The following STAU2 variants were observed in gnomAD, a reference collection of about 807,000 sequenced individuals.
The protein encoded by STAU2 is staufen double-stranded RNA binding protein 2.
Under a neutral mutation model 65.9 loss-of-function variants are expected in STAU2, and 20 were observed. That is an observed-to-expected ratio of 0.30 (90% confidence interval 0.21 to 0.44). The LOEUF (loss-of-function observed/expected upper bound fraction) is 0.44. STAU2 is among the 20% of genes least tolerant of loss of function. STAU2 has a pLI of 1.00. For synonymous variants in STAU2, 232 were observed against 233.9 expected (o/e 0.99, Z 0.07); for missense variants, 558 against 683.9 (o/e 0.82, Z 2.05).
At chr8:73,661,554 C>T (rs1816836043) in intron 6 of STAU2, among the ~76,000 whole-genome samples, 1 of 152,218 alleles carries the variant, frequency 6.6e-6, no homozygotes, top group South Asian at 2.1e-4. Context: ...AATGAAAATA[C>T]AGAACATTTC....
At chr8:73,434,826 T>C (rs191685813) in intron 13 of STAU2, among the ~76,000 whole-genome samples, 2 of 152,048 alleles carry the variant, frequency 1.3e-5, no homozygotes, top group East Asian at 3.9e-4. Context: ...CATTGCTCTC[T>C]CACTTGTCTT....
intron 12 of STAU2, among the ~76,000 whole-genome samples, chr8:73,556,643 G>A (rs908773175): frequency 4.6e-5 from 7 of 152,120 alleles, no homozygotes; most frequent in Admixed American, 1.3e-4. Flanking sequence ...TGAAATCCCA[G>A]CTACTTGGGA....
At chr8:73,528,516 T>C (rs1459349980) in intron 13 of STAU2, among the ~76,000 whole-genome samples, 1 of 152,210 alleles carries the variant, frequency 6.6e-6, no homozygotes, top group Non-Finnish European at 1.5e-5. Context: ...TCCTTCCATT[T>C]ATCCACTGTC....
intron 12 of STAU2, among the ~76,000 whole-genome samples, chr8:73,560,171 C>T (rs946708294): frequency 2.0e-5 from 3 of 151,210 alleles, no homozygotes; most frequent in African/African-American, 4.9e-5. Context: ...AGCTCTGCCT[C>T]CCGGGTTCAC....
intron 3 of STAU2, among the ~76,000 whole-genome samples, chr8:73,717,107 AAAAT>A (rs1205940087): frequency 2.0e-5 from 3 of 152,152 alleles, no homozygotes; most frequent in South Asian, 4.2e-4. Flanking sequence ...GTCTCCAAAA[AAAAT>A]AAATAAAGTA....
intron 3 of STAU2, among the ~76,000 whole-genome samples, chr8:73,734,932 T>A (rs1251395284): frequency 1.3e-5 from 2 of 152,032 alleles, no homozygotes; most frequent in African/African-American, 4.8e-5. Flanking sequence ...AAGCTGAGAA[T>A]CAACTTAAAT....
chr8:73,452,150 C>T (rs1441167675), intron 13 of STAU2, among the ~76,000 whole-genome samples: 1 of 152,182 alleles, frequency 6.6e-6, no homozygotes, highest in Non-Finnish European at 1.5e-5. Flanking sequence ...TCTAGTATTT[C>T]AGGTTCCCAG....
intron 9 of STAU2, among the ~76,000 whole-genome samples, chr8:73,606,091 A>G (rs1812017828): frequency 6.6e-6 from 1 of 152,138 alleles, no homozygotes; most frequent in African/African-American, 2.4e-5. Flanking sequence ...AATGCCTCAC[A>G]GACGTAAATG....
At chr8:73,729,185 C>T (rs978727121) in intron 3 of STAU2, among the ~76,000 whole-genome samples, 6 of 152,178 alleles carry the variant, frequency 3.9e-5, no homozygotes, top group South Asian at 2.1e-4. Context: ...GAAACAATCA[C>T]GTGGGGGTTT....
upstream of STAU2, chr8:73,746,963 C>A (rs1586408110): frequency 1.3e-6 from 1 of 761,696 alleles, no homozygotes; most frequent in Admixed American, 6.5e-5. Context: ...CGCGCCCCCG[C>A]CTGCGCAGCC....
At chr8:73,541,155 T>G (rs1428502705) in intron 13 of STAU2, among the ~76,000 whole-genome samples, 1 of 152,154 alleles carries the variant, frequency 6.6e-6, no homozygotes, top group Non-Finnish European at 1.5e-5. Flanking sequence ...CTCAAATGAT[T>G]GAACGCTAAA....
chr8:73,481,124 G>A (rs985947589), intron 13 of STAU2, among the ~76,000 whole-genome samples: 1 of 151,456 alleles, frequency 6.6e-6, no homozygotes, highest in Non-Finnish European at 1.5e-5. Context: ...GAAGCCCTTA[G>A]AATCCTCCTG....
intron 11 of STAU2, among the ~76,000 whole-genome samples, chr8:73,584,253 A>G (rs543746744): frequency 2.6e-5 from 4 of 152,308 alleles, no homozygotes; most frequent in Admixed American, 2.0e-4. Context: ...TCCTGTCTTC[A>G]TCAACATTTA....
rs577642634 is a variant in STAU2 at position 73,569,499 on chromosome 8, C to A, written c.1222+13271G>T. On this transcript the variant is annotated intron_variant, in intron 12 of 14. Transcript: ENST00000524300. The stretch of plus-strand genomic sequence containing the variant: ...ATGGAGTCTGAGATCTGAGAACAGA[C>A]AGACTGCCACCTCAAGTGGGTCCCT... Among the ~76,000 whole-genome samples, 66 of 152,238 alleles carry A rather than the reference C, an allele frequency of 4.3e-4. 1 individual carries two copies. Among genetic ancestry groups the A allele is most frequent in the Admixed American group, 3.3e-3 (51 of 15,292 alleles).
At chr8:73,704,423 G>T (rs1160607609) in intron 4 of STAU2, among the ~76,000 whole-genome samples, 1 of 151,958 alleles carries the variant, frequency 6.6e-6, no homozygotes, top group East Asian at 1.9e-4. Context: ...AAAAAAGATG[G>T]ATACAGACCA....
At chr8:73,657,958 G>A (rs2130294344) in intron 6 of STAU2, among the ~76,000 whole-genome samples, 1 of 151,906 alleles carries the variant, frequency 6.6e-6, no homozygotes, top group African/African-American at 2.4e-5. Context: ...AGGTTGCAGT[G>A]AACCAAGATT....
intron 5 of STAU2, among the ~76,000 whole-genome samples, chr8:73,676,102 A>G (rs1818012760): frequency 6.6e-6 from 1 of 152,180 alleles, no homozygotes; most frequent in Non-Finnish European, 1.5e-5. Context: ...AAAGCAAAAC[A>G]GTTCTATAAT....
intron 13 of STAU2, among the ~76,000 whole-genome samples, chr8:73,513,813 C>T (rs529333761): frequency 3.0e-4 from 46 of 152,232 alleles, no homozygotes; most frequent in African/African-American, 1.1e-3. Flanking sequence ...CATTTCATAT[C>T]AAGGAAGGCC....
At chr8:73,655,623 T>C (rs1816296437) in intron 6 of STAU2, among the ~76,000 whole-genome samples, 1 of 150,942 alleles carries the variant, frequency 6.6e-6, no homozygotes, top group South Asian at 2.1e-4. Context: ...AAACAAATAT[T>C]ATAATTTTAA....
Sources: gnomAD v4.1 joint callset for allele counts (sites outside exome capture counted in the v4.1 genomes callset) on GRCh38, gnomAD v4.1.1 for gene constraint, MANE v1.5 for transcripts, NCBI Gene and HGNC (gene_info 2026-07-23, HGNC 2026-07-21) for gene names.